The following ABCC2 variants were observed in gnomAD, a reference collection of about 807,000 sequenced individuals.
ABCC2 encodes ATP-binding cassette sub-family C member 2.
A neutral mutation model predicts 173.4 loss-of-function variants in ABCC2; 157 were observed. The observed-to-expected ratio is 0.91, with a 90% CI of 0.80 to 1.03. The LOEUF (loss-of-function observed/expected upper bound fraction) is 1.03, where lower values mean the gene tolerates loss of function less well. Ranked by LOEUF, ABCC2 falls within the 50% of genes least tolerant of loss-of-function variation. The pLI, the probability that ABCC2 is intolerant of heterozygous loss-of-function variation, is 0.00. For synonymous variants in ABCC2, 657 were observed against 693.5 expected, an observed-to-expected ratio of 0.95 and a Z score of 0.83; for missense variants, 1,822 against 1,852.3, an observed-to-expected ratio of 0.98 and a Z score of 0.30.
At position 99,850,679 on chromosome 10, in the gene ABCC2, C is replaced by T. The variant is rs1202945746; in HGVS notation, c.4391C>T (p.Thr1464Ile). The change falls in exon 31 of 32, where the codon ACT becomes ATT. Residue 1464 changes from threonine (T) to isoleucine (I), a missense_variant. Coordinates refer to ENST00000647814, the MANE Select transcript of ABCC2 (RefSeq NM_000392.5). ...AAGATCCTGGTCCTGGATGAGGCCACTGCTGCGGTGGATCTAGAGACAGAC... is the reference window on the plus strand; with the variant it reads ...AAGATCCTGGTCCTGGATGAGGCCATTGCTGCGGTGGATCTAGAGACAGAC... Reference protein sequence around the residue: ...KSKILVLDEATAAVDLETDNL... With the variant: ...KSKILVLDEAIAAVDLETDNL... 1 of 1,614,244 alleles carries T rather than the reference C, an allele frequency of 6.2e-7. No individual in the cohort carries two copies. The highest frequency in any genetic ancestry group is 8.5e-7 in the Non-Finnish European group (1 of 1,180,046).
At chr10:99,806,100 TG>T (rs2038098970) in intron 11 of ABCC2, among the ~76,000 whole-genome samples, 1 of 151,988 alleles carries the variant, frequency 6.6e-6, no homozygotes, top group Non-Finnish European at 1.5e-5. Flanking sequence ...TGTGTGTGTG[TG>T]TGTGTGTGTG....
chr10:99,793,110 G>T (rs1163409359), intron 3 of ABCC2, among the ~76,000 whole-genome samples: 3 of 152,128 alleles, frequency 2.0e-5, no homozygotes, highest in African/African-American at 7.2e-5. Flanking sequence ...ATGTGAGATG[G>T]TATAAGGCAA....
chr10:99,842,204 T>TA (rs1404114125), intron 26 of ABCC2, 111 bp downstream of exon 26: 1 of 1,480,370 alleles, frequency 6.8e-7, no homozygotes, highest in Non-Finnish European at 9.3e-7. Flanking sequence ...CCAGAGGGAC[T>TA]AAAGAAGACT....
rs147177143 is a variant in ABCC2 at position 99,844,401 on chromosome 10, G to T, written c.3923G>T (p.Arg1308Leu). 25 of 1,614,090 alleles carry T rather than the reference G, an allele frequency of 1.5e-5. No homozygotes were observed. Among genetic ancestry groups the T allele is most frequent in the Non-Finnish European group, 2.5e-6 (3 of 1,180,048 alleles). The change falls in exon 28 of 32, where the codon CGG becomes CTG. Residue 1308 changes from arginine to leucine, a missense_variant. Transcript: ENST00000647814. ...ATCCAGTTTAACAACTACCAAGTGC[G>T]GTACCGACCTGAGCTGGATCTGGTC... is the stretch of plus-strand genomic sequence containing the variant. ...GKIQFNNYQVRYRPELDLVLR... is the reference protein window; with the variant it reads ...GKIQFNNYQVLYRPELDLVLR...
intron 19 of ABCC2, 75 bp from the exon 20 acceptor site, chr10:99,830,232 G>C: frequency 6.3e-7 from 1 of 1,583,756 alleles, no homozygotes; most frequent in Non-Finnish European, 8.7e-7. Flanking sequence ...ATCAGAGGAG[G>C]CTTCTCTCTC....
At position 99,814,357 on chromosome 10, in the gene ABCC2, A is replaced by G. The variant is rs1405993595; in HGVS notation, c.2094+1213A>G. Among the ~76,000 whole-genome samples, 60 of 123,040 alleles carry G rather than the reference A, an allele frequency of 4.9e-4. 7 individuals carry two copies. The highest frequency in any genetic ancestry group is 1.6e-3 in the African/African-American group (55 of 34,052). The allele number at this position is 123,040 out of a possible 152,430, so 80.7% of individuals were successfully genotyped here. On this transcript the variant is annotated intron_variant, in intron 16 of 31. Coordinates refer to ENST00000647814, the MANE Select transcript of ABCC2 (RefSeq NM_000392.5). ...CACATGTATATATACACACGTATGT[A>G]TACACACATGTATATATACACATAT... is the stretch of plus-strand genomic sequence containing the variant.
At chr10:99,847,661 C>G (rs1191079791) in intron 30 of ABCC2, among the ~76,000 whole-genome samples, 1 of 151,476 alleles carries the variant, frequency 6.6e-6, no homozygotes, top group Non-Finnish European at 1.5e-5. Context: ...TGGCTCACGC[C>G]TGTAATCCCA....
rs1283326266 is a variant in ABCC2, at chr10:99,811,402, C to G, written c.1901-134C>G. 4.7e-6 allele frequency: 4 copies of G among 848,642 alleles called. No homozygotes were observed. In the African/African-American group the frequency reaches 6.7e-5, roughly 14 times the overall value. The allele number at this position is 848,642 out of a possible 1,614,324, so 52.6% of individuals were successfully genotyped here. On this transcript the variant is annotated intron_variant, in intron 14 of 31. Coordinates refer to ENST00000647814, the MANE Select transcript of ABCC2 (RefSeq NM_000392.5). ...TCTCATTCTAGGAGATTTCATTCAC[C>G]TCCTGTTAGCGTAGGAGCCAGCACT...
intron 24 of ABCC2, among the ~76,000 whole-genome samples, chr10:99,835,135 G>C (rs2038800260): frequency 6.6e-6 from 1 of 152,180 alleles, no homozygotes; most frequent in Non-Finnish European, 1.5e-5. Context: ...AAATGGATGA[G>C]GGAAGGGGAG....
At chr10:99,795,546 A>G (rs1263410789) in intron 6 of ABCC2, among the ~76,000 whole-genome samples, 4 of 151,840 alleles carry the variant, frequency 2.6e-5, no homozygotes, top group Non-Finnish European at 1.5e-5. Flanking sequence ...TAAAAATACA[A>G]AAATTAGCCT....
Position 99,813,025 on chromosome 10 carries a change from C to T in ABCC2, c.1975C>T (p.Leu659=). The T allele has an allele frequency of 6.2e-7, 1 of 1,613,904 alleles. No individual in the cohort carries two copies. Among genetic ancestry groups the T allele is most frequent in the South Asian group, 1.1e-5 (1 of 91,070 alleles). Residue 659 remains leucine, a synonymous_variant, in exon 16 of 32, where the codon CTG becomes TTG. Transcript: ENST00000647814. ...GACATTCCTGTCTTTCAGTGTGAACCTGGACATTATGGCAGGCCAACTTGT... is the reference window on the plus strand; with the variant it reads ...GACATTCCTGTCTTTCAGTGTGAACTTGGACATTATGGCAGGCCAACTTGT... ...DSEATVRDVN[L]DIMAGQLVAV...
Position 99,804,277 on chromosome 10 carries a change from A to C in ABCC2, c.1464+4A>C, listed in dbSNP as rs753102845. 4 of 1,614,110 alleles carry C rather than the reference A, an allele frequency of 2.5e-6. No individual in the cohort carries two copies. Among genetic ancestry groups the C allele is most frequent in the Non-Finnish European group, 3.4e-6 (4 of 1,179,996 alleles). ...CACCAAGAGTAAGACCATTCAGGTA[A>C]AGAAAAAGTCACCCAGAAGAATATA... On this transcript the variant is annotated splice_donor_region_variant and intron_variant, in intron 10 of 31. Transcript: ENST00000647814.
At position 99,808,231 on chromosome 10, in the gene ABCC2, T is replaced by A. The variant is rs387906395; in HGVS notation, c.1815+2T>A. The stretch of plus-strand genomic sequence containing the variant: ...ATGATGATCTCCTCCATGCTCCAGG[T>A]AGGTCGGCATTCTCACTGCTAACTC... On this transcript the variant is annotated splice_donor_variant, in intron 13 of 31. Transcript: ENST00000647814. LOFTEE classifies it high-confidence loss of function. The A allele has an allele frequency of 1.9e-6, 3 of 1,614,064 alleles. No individual in the cohort carries two copies. The East Asian group carries it at 6.7e-5, about 36-fold the overall frequency.
At chr10:99,795,746 A>G (rs865799379) in intron 6 of ABCC2, among the ~76,000 whole-genome samples, 35 of 79,680 alleles carry the variant, frequency 4.4e-4, no homozygotes, top group Non-Finnish European at 4.8e-4. Flanking sequence ...AAGGAAAGAA[A>G]GAAAGAAAGA....
chr10:99,821,175 A>C (rs919079024), intron 19 of ABCC2, among the ~76,000 whole-genome samples: 27 of 152,326 alleles, frequency 1.8e-4, no homozygotes, highest in African/African-American at 5.3e-4. Flanking sequence ...TAAACATCTC[A>C]ATGCTTTACA....
intron 2 of ABCC2, among the ~76,000 whole-genome samples, chr10:99,785,141 C>G (rs370326240): frequency 6.6e-6 from 1 of 152,172 alleles, no homozygotes; most frequent in Admixed American, 6.5e-5. Flanking sequence ...GCATCTACCT[C>G]GTGAAAATGA....
intron 13 of ABCC2, among the ~76,000 whole-genome samples, chr10:99,808,796 G>A (rs918433661): frequency 6.6e-6 from 1 of 152,138 alleles, no homozygotes; most frequent in Non-Finnish European, 1.5e-5. Flanking sequence ...GAAGGTCACC[G>A]GACAGGCAGC....
intron 29 of ABCC2, 77 bp from the exon 30 acceptor site, chr10:99,846,884 C>A: frequency 6.4e-7 from 1 of 1,573,848 alleles, no homozygotes; most frequent in Non-Finnish European, 8.7e-7. Context: ...TCCTATCCAC[C>A]ATCTCCCAGT....
At chr10:99,818,650 A>C in intron 17 of ABCC2, 140 bp from the exon 18 acceptor site, 1 of 793,078 alleles carries the variant, frequency 1.3e-6, no homozygotes, top group East Asian at 2.7e-5. Flanking sequence ...TCAGTTCTTT[A>C]TTTGTATAAA....
Sources: allele counts gnomAD v4.1 joint callset (sites outside exome capture counted in the v4.1 genomes callset), GRCh38; gene constraint gnomAD v4.1.1; transcripts MANE v1.5; gene names NCBI Gene and HGNC (gene_info 2026-07-23, HGNC 2026-07-21).